Variants in SLC66A1 observed in about 807,000 individuals in gnomAD.
The protein encoded by SLC66A1 is solute carrier family 66 member 1, also known as lysosomal amino acid transporter 1 homolog.
SLC66A1 carries 23 observed loss-of-function variants against 33.0 expected under a neutral mutation model. The ratio of observed to expected loss-of-function variants is 0.70; its 90% confidence interval spans 0.50 to 0.99. The LOEUF (loss-of-function observed/expected upper bound fraction) is 0.99. Ranked by LOEUF, SLC66A1 falls within the 50% of genes least tolerant of loss-of-function variation. The probability of loss-of-function intolerance (pLI) is 0.00; values close to 1 mark genes in which losing one functional copy is unlikely to be tolerated. For missense variants in SLC66A1, 335 were observed against 383.6 expected (o/e 0.87, Z 1.06); for synonymous variants, 164 against 175.5 (o/e 0.93, Z 0.52).
chr1:19,317,792 G>A lies in SLC66A1; in HGVS notation c.115G>A (p.Val39Met), dbSNP rs766989390. ...CCAGGACGGCTGGGACGAGGCCAGC[G>A]TGGGCCTGGGCTTGATCTCCATTCT... The part of the protein sequence containing the change: ...CAQDGWDEAS[V>M]GLGLISILCF... Residue 39 changes from valine to methionine, a missense_variant, in exon 2 of 8, where the codon GTG becomes ATG. Physicochemically the swap from Val to Met is conservative, Grantham distance 21. Coordinates refer to ENST00000375153, the MANE Select transcript of SLC66A1 (RefSeq NM_001040125.2). 9.9e-6 allele frequency: 16 copies of A among 1,614,036 alleles called. No individual in the cohort carries two copies. Among genetic ancestry groups the A allele is most frequent in the East Asian group, 2.2e-5 (1 of 44,886 alleles).
chr1:19,321,177 T>TC (rs989780794), intron 2 of SLC66A1, among the ~76,000 whole-genome samples: 2 of 133,350 alleles, frequency 1.5e-5, no homozygotes, highest in African/African-American at 3.1e-5. Flanking sequence ...TTCTTTTTTT[T>TC]TTTTTTTTTT....
chr1:19,325,051 G>A (rs1469644583), intron 3 of SLC66A1, among the ~76,000 whole-genome samples: 1 of 152,212 alleles, frequency 6.6e-6, no homozygotes, highest in Non-Finnish European at 1.5e-5. Flanking sequence ...CTTTCAGAGG[G>A]TGGGCCCCTC....
intron 6 of SLC66A1, among the ~76,000 whole-genome samples, 166 bp from the exon 7 acceptor site, chr1:19,327,061 T>C (rs1569801291): frequency 6.6e-6 from 1 of 151,926 alleles, no homozygotes; most frequent in Admixed American, 6.5e-5. Flanking sequence ...TGTCTGTGGG[T>C]GGGAGGAGGC....
At chr1:19,334,026 C>A (rs1479689536), downstream of SLC66A1, among the ~76,000 whole-genome samples, 2 of 152,336 alleles carry the variant, frequency 1.3e-5, no homozygotes, top group Non-Finnish European at 2.9e-5. Context: ...CAACTGATAA[C>A]TACTCCTCCA....
intron 1 of SLC66A1, among the ~76,000 whole-genome samples, chr1:19,315,357 C>T (rs1252238991): frequency 5.3e-5 from 8 of 152,224 alleles, no homozygotes; most frequent in Non-Finnish European, 7.3e-5. Context: ...CTGCCTGTGC[C>T]AGGCCCTGGA....
chr1:19,330,942 T>C (rs541599654), downstream of SLC66A1, among the ~76,000 whole-genome samples: 2 of 152,224 alleles, frequency 1.3e-5, no homozygotes, highest in African/African-American at 2.4e-5. Flanking sequence ...ACACTTGCCA[T>C]GTGCGGGCTG....
At chr1:19,323,296 CTG>C (rs1164365997) in intron 2 of SLC66A1, among the ~76,000 whole-genome samples, 1 of 152,118 alleles carries the variant, frequency 6.6e-6, no homozygotes, top group African/African-American at 2.4e-5. Context: ...TGTTAGGAGG[CTG>C]AGGGAGGCAG....
chr1:19,330,815 A>G (rs944846527), downstream of SLC66A1, among the ~76,000 whole-genome samples: 3 of 152,094 alleles, frequency 2.0e-5, no homozygotes, highest in Non-Finnish European at 2.9e-5. Context: ...TAGAGAGAGG[A>G]GGCAAGGCAC....
At chr1:19,330,892 C>T (rs1353548762), downstream of SLC66A1, among the ~76,000 whole-genome samples, 1 of 152,242 alleles carries the variant, frequency 6.6e-6, no homozygotes, top group African/African-American at 2.4e-5. Context: ...GGGACACCCA[C>T]GGAGCCCAGG....
intron 2 of SLC66A1, among the ~76,000 whole-genome samples, chr1:19,320,622 AG>A (rs2093830977): frequency 6.6e-6 from 1 of 151,292 alleles, no homozygotes; most frequent in Non-Finnish European, 1.5e-5. Context: ...TCACCGTGTT[AG>A]CCAGGATGGT....
chr1:19,325,624 G>A (rs1158408378), intron 4 of SLC66A1, 42 bp downstream of exon 4: 1 of 1,281,824 alleles, frequency 7.8e-7, no homozygotes, highest in Non-Finnish European at 1.1e-6. Context: ...TCTACCAGCA[G>A]CAGGGGGCAG....
chr1:19,321,504 G>A lies in SLC66A1; in HGVS notation c.165-3129G>A, dbSNP rs1232971054. Among the ~76,000 whole-genome samples, 2 of 149,308 alleles carry A rather than the reference G, an allele frequency of 1.3e-5. 1 individual carries two copies. The highest frequency in any genetic ancestry group is 5.1e-5 in the African/African-American group (2 of 39,022). On this transcript the variant is annotated intron_variant, in intron 2 of 7. Transcript: ENST00000375153. ...CTCTTGTTCTAAGTGTTACAAAGATGTAACTCTTACATTTAGGTGTTTGAT... is the reference window on the plus strand; with the variant it reads ...CTCTTGTTCTAAGTGTTACAAAGATATAACTCTTACATTTAGGTGTTTGAT...
At chr1:19,332,398 G>A (rs901132795), downstream of SLC66A1, among the ~76,000 whole-genome samples, 1 of 152,182 alleles carries the variant, frequency 6.6e-6, no homozygotes, top group African/African-American at 2.4e-5. Flanking sequence ...TAAGTGCCTG[G>A]TAAATAAACA....
rs199517637 is a variant in SLC66A1 at position 19,317,813 on chromosome 1, A to G, written c.136A>G (p.Ile46Val). ...EASVGLGLIS[I>V]LCFAASTFPQ... ...CAGCGTGGGCCTGGGCTTGATCTCC[A>G]TTCTCTGCTTTGCTGCATCTACCTT... The change falls in exon 2 of 8, where the codon ATT becomes GTT. Residue 46 changes from isoleucine to valine, a missense_variant. Transcript: ENST00000375153. 25 of 1,614,002 alleles carry G rather than the reference A, an allele frequency of 1.5e-5. No individual in the cohort carries two copies. The African/African-American group carries it at 2.7e-4, about 17-fold the overall frequency.
At chr1:19,317,207 A>G (rs543073469) in intron 1 of SLC66A1, among the ~76,000 whole-genome samples, 1 of 152,204 alleles carries the variant, frequency 6.6e-6, no homozygotes, top group South Asian at 2.1e-4. Context: ...AGTTCAACAC[A>G]CTGTGTATGA....
chr1:19,324,530 G>T (rs908790573), intron 2 of SLC66A1, 103 bp from the exon 3 acceptor site: 2 of 1,434,258 alleles, frequency 1.4e-6, no homozygotes, highest in Non-Finnish European at 9.6e-7. Context: ...CTCCATCGCC[G>T]CCTCGATCCC....
At chr1:19,314,035 C>T (rs557988733) in intron 1 of SLC66A1, among the ~76,000 whole-genome samples, 2 of 152,370 alleles carry the variant, frequency 1.3e-5, no homozygotes, top group South Asian at 2.1e-4. Flanking sequence ...GGTACCGCTT[C>T]TGGGGTCCTT....
In SLC66A1 at chr1:19,328,635, C is replaced by A. The variant is rs779828403; in HGVS notation, c.868C>A (p.Pro290Thr). Residue 290 changes from proline to threonine, a missense_variant, in exon 8 of 8, where the codon CCC (proline) becomes ACC (threonine). Physicochemically the swap from Pro to Thr is conservative, Grantham distance 38 (BLOSUM62 -1). Coordinates refer to ENST00000375153, the MANE Select transcript of SLC66A1 (RefSeq NM_001040125.2). This position sits in a 1 kb window ranked among gnomAD's most constrained non-coding sequence, Gnocchi z 4.7. ...TAASELEPLLPS is the reference protein window; with the variant it reads ...TAASELEPLLTS ...CGCCTCGGAGCTTGAGCCCCTCCTC[C>A]CCAGCTGACCAGAACCAGGCTGAGC... The A allele has an allele frequency of 6.2e-7, 1 of 1,613,730 alleles. No individual in the cohort carries two copies. Among genetic ancestry groups the A allele is most frequent in the Non-Finnish European group, 8.5e-7 (1 of 1,179,916 alleles).
At chr1:19,314,456 G>A (rs749137093) in intron 1 of SLC66A1, among the ~76,000 whole-genome samples, 2 of 152,202 alleles carry the variant, frequency 1.3e-5, no homozygotes, top group African/African-American at 2.4e-5. Flanking sequence ...ATGCTGAGAT[G>A]TGTCCATTTC....
Sources: gnomAD v4.1 joint callset for allele counts (sites outside exome capture counted in the v4.1 genomes callset) on GRCh38, gnomAD v4.1.1 for gene constraint, Gnocchi (gnomAD v3.1) non-coding constraint, MANE v1.5 for transcripts, NCBI Gene and HGNC (gene_info 2026-07-23, HGNC 2026-07-21) for gene names.